The following NCOA2 variants were observed in gnomAD, a reference collection of about 807,000 sequenced individuals.
NCOA2 encodes class E basic helix-loop-helix protein 75.
NCOA2 carries 21 observed loss-of-function variants against 145.1 expected under a neutral mutation model. That is an observed-to-expected ratio of 0.14 (90% CI 0.10 to 0.21). NCOA2 has a LOEUF of 0.21. NCOA2 is among the 10% of genes least tolerant of loss of function. The probability of loss-of-function intolerance (pLI) is 1.00; values close to 1 mark genes in which losing one functional copy is unlikely to be tolerated. For synonymous variants in NCOA2, 619 were observed against 637.5 expected, an observed-to-expected ratio of 0.97 and a Z score of 0.44; for missense variants, 1,472 against 1,837.6, an observed-to-expected ratio of 0.80 and a Z score of 3.64.
At chr8:70,300,781 T>C (rs115687681) in intron 1 of NCOA2, among the ~76,000 whole-genome samples, 2 of 152,216 alleles carry the variant, frequency 1.3e-5, no homozygotes, top group East Asian at 1.9e-4. Context: ...TAATAAGAGA[T>C]GTGCCATACT....
chr8:70,288,421 T>C (rs1826406796), intron 2 of NCOA2, among the ~76,000 whole-genome samples: 1 of 151,570 alleles, frequency 6.6e-6, no homozygotes, highest in Non-Finnish European at 1.5e-5. Flanking sequence ...CTACTAAAAA[T>C]ACAAAAAAAA....
rs148448021 is a variant in NCOA2, at chr8:70,285,239, C to T, written c.-20+11505G>A. Among the ~76,000 whole-genome samples, 130 of 152,202 alleles carry T rather than the reference C, an allele frequency of 8.5e-4. 4 individuals are homozygous for T. In the South Asian group the frequency reaches 0.022, roughly 25 times the overall value. Reference sequence around the variant, plus strand: ...GTCTAGTAAGAAAATTAAAAATCAACAAGAATTTACTTAGAGTCCTGTAGA... The same window carrying T: ...GTCTAGTAAGAAAATTAAAAATCAATAAGAATTTACTTAGAGTCCTGTAGA... On this transcript the variant is annotated intron_variant, in intron 2 of 22. Coordinates refer to ENST00000452400, the MANE Select transcript of NCOA2 (RefSeq NM_006540.4).
At chr8:70,273,494 C>T (rs540139178) in intron 2 of NCOA2, 12 of 643,836 alleles carry the variant, frequency 1.9e-5, no homozygotes, top group East Asian at 1.7e-4. Context: ...TGATAAAAAA[C>T]GTCAGTTCTC....
Position 70,156,934 on chromosome 8 carries a change from C to T in NCOA2, c.1431G>A (p.Met477Ile). 6.2e-7 allele frequency: 1 copy of T among 1,614,050 alleles called. No homozygotes were observed. Among genetic ancestry groups the T allele is most frequent in the Non-Finnish European group, 8.5e-7 (1 of 1,179,898 alleles). ...GCATGGAGGTGGGCTGTCCTGGATT[C>T]ATGCCAGGGCTGCTTTGTGAGGGGC... ...MNSPSQSSPG[M>I]NPGQPTSMLS... The change falls in exon 11 of 23, where the codon ATG (methionine) becomes ATA (isoleucine). Residue 477 changes from methionine to isoleucine, a missense_variant. Met to Ile is a conservative substitution (Grantham distance 10). This residue lies in a region of NCOA2 where 953 missense variants were observed against 1,062.1 expected (regional missense o/e 0.90). Coordinates refer to ENST00000452400, the MANE Select transcript of NCOA2 (RefSeq NM_006540.4).
At chr8:70,407,616 G>A (rs972024702), upstream of NCOA2, among the ~76,000 whole-genome samples, 15 of 150,824 alleles carry the variant, frequency 9.9e-5, no homozygotes, top group African/African-American at 1.5e-4. Flanking sequence ...GTGAAACCCC[G>A]TCTGTACTAA....
intron 10 of NCOA2, among the ~76,000 whole-genome samples, chr8:70,158,263 C>T (rs1427811887): frequency 2.0e-5 from 3 of 152,110 alleles, no homozygotes; most frequent in Admixed American, 1.3e-4. Flanking sequence ...GCCAGAGCAA[C>T]GTTATATATT....
At chr8:70,289,013 A>G (rs548542744) in intron 2 of NCOA2, among the ~76,000 whole-genome samples, 468 of 152,370 alleles carry the variant, frequency 3.1e-3, no homozygotes, top group Non-Finnish European at 5.6e-3. Context: ...TAAGAAACTC[A>G]TCAAACCAAT....
At chr8:70,122,641 TTAC>T (rs1320881645) in intron 21 of NCOA2, among the ~76,000 whole-genome samples, 1 of 152,222 alleles carries the variant, frequency 6.6e-6, no homozygotes, top group Non-Finnish European at 1.5e-5. Context: ...GTGTAAGTTA[TTAC>T]TACAAGCACA....
chr8:70,367,854 C>T (rs959874559), intron 1 of NCOA2, among the ~76,000 whole-genome samples: 5 of 152,292 alleles, frequency 3.3e-5, no homozygotes, highest in Admixed American at 6.5e-5. Context: ...TCAGTATTCT[C>T]AACTATAAAT....
At chr8:70,365,569 T>A (rs575215791) in intron 1 of NCOA2, among the ~76,000 whole-genome samples, 8 of 152,384 alleles carry the variant, frequency 5.2e-5, no homozygotes, top group African/African-American at 1.9e-4. Flanking sequence ...ACCATAGGTA[T>A]TCTTTCAGGA....
chr8:70,422,065 A>G, the NCOA2 span, among the ~76,000 whole-genome samples: 2 of 151,994 alleles, frequency 1.3e-5, no homozygotes, highest in South Asian at 2.1e-4. Flanking sequence ...ATTACACTCC[A>G]GGCTGGGCAA....
intron 1 of NCOA2, among the ~76,000 whole-genome samples, chr8:70,309,331 A>C (rs1273099806): frequency 6.6e-6 from 1 of 152,046 alleles, no homozygotes; most frequent in Non-Finnish European, 1.5e-5. Flanking sequence ...TCACCAGAAC[A>C]AAAATGAATC....
chr8:70,240,425 TC>T (rs1822024681), intron 2 of NCOA2, among the ~76,000 whole-genome samples: 1 of 152,112 alleles, frequency 6.6e-6, no homozygotes. Flanking sequence ...CAAATAACAC[TC>T]CCTATTCAAA....
At chr8:70,169,924 A>AT (rs1554581929) in intron 6 of NCOA2, among the ~76,000 whole-genome samples, 1 of 151,040 alleles carries the variant, frequency 6.6e-6, no homozygotes, top group African/African-American at 2.4e-5. Context: ...CATCATCATC[A>AT]CTTCTTGGCC....
At chr8:70,321,792 CCTTTTTTTTTTTT>C (rs998788520) in intron 1 of NCOA2, among the ~76,000 whole-genome samples, 1 of 97,528 alleles carries the variant, frequency 1.0e-5, no homozygotes. Flanking sequence ...TCAGAATATA[CCTTTTTTTTTTTT>C]TTTTTTTTTT....
chr8:70,287,993 A>G (rs1185620245), intron 2 of NCOA2, among the ~76,000 whole-genome samples: 1 of 152,188 alleles, frequency 6.6e-6, no homozygotes, highest in Non-Finnish European at 1.5e-5. Flanking sequence ...CAAATGCCAG[A>G]TTGGGCTGGA....
rs114129153 is a variant in NCOA2 at position 70,256,951 on chromosome 8, T to A, written c.-20+39793A>T. ...TGAAGTGAAGTAAATTACTCAAGGT[T>A]ACAGAGTAGAAAGACTGCAAAACAC... On this transcript the variant is annotated intron_variant, in intron 2 of 22. Transcript: ENST00000452400. Among the ~76,000 whole-genome samples, 537 of 152,296 alleles carry A rather than the reference T, an allele frequency of 3.5e-3. 3 individuals carry two copies. Among genetic ancestry groups the A allele is most frequent in the African/African-American group, 0.012 (516 of 41,536 alleles).
At chr8:70,246,831 A>C (rs1193674948) in intron 2 of NCOA2, among the ~76,000 whole-genome samples, 1 of 151,988 alleles carries the variant, frequency 6.6e-6, no homozygotes, top group Admixed American at 6.6e-5. Flanking sequence ...TTGTGTGTAG[A>C]TACTTCATGG....
intron 4 of NCOA2, among the ~76,000 whole-genome samples, chr8:70,198,929 C>T (rs1050536999): frequency 5.3e-5 from 8 of 151,982 alleles, no homozygotes; most frequent in Admixed American, 2.6e-4. Flanking sequence ...GCAATCTGGA[C>T]GGACAATGAA....
Sources: allele counts gnomAD v4.1 joint callset (sites outside exome capture counted in the v4.1 genomes callset), GRCh38; gene constraint gnomAD v4.1.1; regional missense constraint gnomAD v4.1.1; transcripts MANE v1.5; gene names NCBI Gene and HGNC (gene_info 2026-07-23, HGNC 2026-07-21).